PCDH11X: variants seen among roughly 807,000 people sequenced by gnomAD.
PCDH11X encodes protocadherin 11 X-linked.
In PCDH11X, 18 loss-of-function variants were observed where a neutral mutation model predicts 53.3. The observed-to-expected ratio is 0.34, with a 90% CI of 0.23 to 0.50. The LOEUF (loss-of-function observed/expected upper bound fraction) is 0.50. Among genes scored for constraint, PCDH11X ranks in the 20% least tolerant of loss-of-function variants. The pLI is 0.98. For synonymous variants in PCDH11X, 279 were observed against 393.3 expected (o/e 0.71, Z 3.44); for missense variants, 570 against 1,032.4 (o/e 0.55, Z 6.14).
chrX:92,216,553 G>A (rs2066718292), intron 7 of PCDH11X, among the ~76,000 whole-genome samples: 1 of 106,699 alleles, frequency 9.4e-6, no homozygotes, highest in Non-Finnish European at 1.9e-5. Flanking sequence ...GAGACTATGT[G>A]AAAAGACCAA....
intron 6 of PCDH11X, among the ~76,000 whole-genome samples, chrX:91,916,467 C>T (rs971083799): frequency 9.0e-6 from 1 of 111,416 alleles, no homozygotes; most frequent in African/African-American, 3.3e-5. Context: ...CAAATAAGCT[C>T]AATTAGAAAT....
At chrX:92,098,632 T>C (rs1289161819) in intron 6 of PCDH11X, among the ~76,000 whole-genome samples, 3 of 88,989 alleles carry the variant, frequency 3.4e-5, no homozygotes, top group Admixed American at 1.4e-4. Flanking sequence ...AAGCTCCAAA[T>C]GCTCTTTTTT....
chrX:92,037,320 G>A (rs1468219718), intron 6 of PCDH11X, among the ~76,000 whole-genome samples: 6 of 109,892 alleles, frequency 5.5e-5, no homozygotes, highest in Non-Finnish European at 1.1e-4. Flanking sequence ...TTTGGTTTTC[G>A]GTTCCTGTGT....
rs947391766 is a variant in PCDH11X at position 91,993,776 on chromosome X, G to A, written c.3033+114503G>A. On this transcript the variant is annotated intron_variant, in intron 6 of 10. Transcript: ENST00000682573. ...AAAGGCTGCTTTCGGGAAATAAAAA[G>A]AAAGGGACCTGTTAGGGTCTTCTTC... is the stretch of plus-strand genomic sequence containing the variant. Among the ~76,000 whole-genome samples, 11 of 111,800 alleles carry A rather than the reference G, an allele frequency of 9.8e-5. No individual in the cohort carries two copies. In the East Asian group the frequency reaches 2.5e-3, roughly 26 times the overall value.
intron 6 of PCDH11X, among the ~76,000 whole-genome samples, chrX:91,886,700 G>A (rs749599648): frequency 4.6e-5 from 5 of 109,574 alleles, no homozygotes; most frequent in Non-Finnish European, 7.6e-5. Context: ...GGCCGGGCGC[G>A]GTGGCTCATG....
At chrX:92,239,678 T>C (rs747885366) in intron 7 of PCDH11X, among the ~76,000 whole-genome samples, 3 of 111,758 alleles carry the variant, frequency 2.7e-5, no homozygotes, top group Non-Finnish European at 5.7e-5. Context: ...ACTGTCTGAT[T>C]GAAAATTTTG....
chrX:91,868,705 T>C (rs1187331374), intron 5 of PCDH11X, among the ~76,000 whole-genome samples: 1 of 111,820 alleles, frequency 8.9e-6, no homozygotes, highest in Non-Finnish European at 1.9e-5. Flanking sequence ...TAATAAGCAA[T>C]CAGTTAGGTT....
At chrX:92,464,551 T>C (rs1406378419) in intron 9 of PCDH11X, among the ~76,000 whole-genome samples, 9 of 110,928 alleles carry the variant, frequency 8.1e-5, no homozygotes, top group Non-Finnish European at 1.5e-4. Flanking sequence ...CAATTAAACC[T>C]CTTTCCTTTA....
chrX:92,030,507 T>C (rs1188688384), intron 6 of PCDH11X, among the ~76,000 whole-genome samples: 1 of 107,970 alleles, frequency 9.3e-6, no homozygotes, highest in Non-Finnish European at 1.9e-5. Flanking sequence ...AGTTTCACTT[T>C]ACGTTATTTT....
intron 7 of PCDH11X, among the ~76,000 whole-genome samples, chrX:92,238,947 GT>G (rs759253348): frequency 1.3e-4 from 14 of 109,194 alleles, no homozygotes; most frequent in African/African-American, 3.3e-4. Flanking sequence ...TATTTTTCAT[GT>G]TTTTTTTTCC....
At chrX:92,363,971 G>A (rs1022418490) in intron 8 of PCDH11X, among the ~76,000 whole-genome samples, 7 of 111,121 alleles carry the variant, frequency 6.3e-5, no homozygotes, top group Non-Finnish European at 1.3e-4. Context: ...ATTGATTTTT[G>A]TATGTTGAAC....
chrX:92,531,976 G>T (rs1320245339), intron 10 of PCDH11X, among the ~76,000 whole-genome samples: 1 of 110,911 alleles, frequency 9.0e-6, no homozygotes, highest in Non-Finnish European at 1.9e-5. Flanking sequence ...CAGGGACAAA[G>T]TGGACACTGG....
intron 8 of PCDH11X, among the ~76,000 whole-genome samples, chrX:92,365,791 A>G (rs900018081): frequency 9.1e-6 from 1 of 109,697 alleles, no homozygotes; most frequent in African/African-American, 3.3e-5. Context: ...ACATTTATTG[A>G]TTTGCATATG....
intron 6 of PCDH11X, among the ~76,000 whole-genome samples, chrX:92,140,352 C>A (rs2065158599): frequency 9.0e-6 from 1 of 111,396 alleles, no homozygotes; most frequent in South Asian, 3.7e-4. Flanking sequence ...TCTTCAAAAA[C>A]TTTTAATATT....
intron 1 of PCDH11X, among the ~76,000 whole-genome samples, chrX:91,781,577 C>A (rs756065046): frequency 1.8e-5 from 2 of 112,624 alleles, no homozygotes; most frequent in Admixed American, 1.9e-4. Context: ...CACTTTTAAT[C>A]TTGTTTGAAA....
At chrX:91,797,260 T>A (rs1158341310) in intron 1 of PCDH11X, among the ~76,000 whole-genome samples, 1 of 110,585 alleles carries the variant, frequency 9.0e-6, no homozygotes, top group Non-Finnish European at 1.9e-5. Context: ...ACTTTAAGTG[T>A]CTAATTTAAA....
intron 6 of PCDH11X, among the ~76,000 whole-genome samples, chrX:91,929,092 T>C (rs1240569324): frequency 9.0e-6 from 1 of 111,266 alleles, no homozygotes; most frequent in Non-Finnish European, 1.9e-5. Flanking sequence ...AAATATTAAG[T>C]TTGTTTTTTA....
At position 92,543,529 on chromosome X, in the gene PCDH11X, C is replaced by T. The variant is rs866249649; in HGVS notation, c.3368-74735C>T. Reference sequence around the variant, plus strand: ...CTAGCTAACTCATTTTTTAAAAACACTCTAAATAGACTAGAAGCTATGATA... The same window carrying T: ...CTAGCTAACTCATTTTTTAAAAACATTCTAAATAGACTAGAAGCTATGATA... On this transcript the variant is annotated intron_variant, in intron 10 of 10. Coordinates refer to ENST00000682573, the MANE Select transcript of PCDH11X (RefSeq NM_032968.5). Among the ~76,000 whole-genome samples the T allele has an allele frequency of 5.8e-4, 62 of 106,547 alleles. 1 individual carries two copies. Among genetic ancestry groups the T allele is most frequent in the South Asian group, 4.2e-4 (1 of 2,391 alleles). The allele number at this position is 106,547 out of a possible 115,157, so 92.5% of individuals were successfully genotyped here.
chrX:91,876,456 A>G (rs1177928600), intron 5 of PCDH11X, among the ~76,000 whole-genome samples: 1 of 111,696 alleles, frequency 9.0e-6, no homozygotes, highest in Non-Finnish European at 1.9e-5. Flanking sequence ...AGTTACATAT[A>G]TTACCATAAA....
Sources: gnomAD v4.1 joint callset for allele counts (sites outside exome capture counted in the v4.1 genomes callset) on GRCh38, gnomAD v4.1.1 for gene constraint, MANE v1.5 for transcripts, NCBI Gene and HGNC (gene_info 2026-07-23, HGNC 2026-07-21) for gene names.